Variants in LMBRD1 observed in about 807,000 individuals in gnomAD.
The protein encoded by LMBRD1 is lysosomal cobalamin transport escort protein LMBD1.
Under a neutral mutation model 74.8 loss-of-function variants are expected in LMBRD1, and 64 were observed. That is an observed-to-expected ratio of 0.86 (90% CI 0.70 to 1.05). The LOEUF is 1.05. LMBRD1 is among the 50% of genes least tolerant of loss of function. The pLI is 0.00. For missense variants in LMBRD1, 652 were observed against 645.9 expected, an observed-to-expected ratio of 1.01 and a Z score of -0.10; for synonymous variants, 204 against 216.3, an observed-to-expected ratio of 0.94 and a Z score of 0.50.
intron 9 of LMBRD1, among the ~76,000 whole-genome samples, chr6:69,704,565 C>A (rs1766207315): frequency 6.6e-6 from 1 of 152,050 alleles, no homozygotes; most frequent in African/African-American, 2.4e-5. Context: ...TACTTTCTGG[C>A]ATCAGATGTT....
intron 14 of LMBRD1, among the ~76,000 whole-genome samples, chr6:69,676,767 G>T (rs1019672133): frequency 6.6e-5 from 10 of 151,868 alleles, no homozygotes; most frequent in African/African-American, 2.4e-4. Context: ...AAAAAAAAAT[G>T]AATGCCACCA....
intron 14 of LMBRD1, among the ~76,000 whole-genome samples, chr6:69,694,635 T>G (rs1313756130): frequency 6.6e-6 from 1 of 152,182 alleles, no homozygotes; most frequent in East Asian, 1.9e-4. Context: ...TTACAAATCC[T>G]GGACTCTGTG....
At chr6:69,748,418 T>C (rs1216038679) in intron 5 of LMBRD1, among the ~76,000 whole-genome samples, 1 of 152,040 alleles carries the variant, frequency 6.6e-6, no homozygotes, top group East Asian at 1.9e-4. Flanking sequence ...CTTACAAAAG[T>C]ACTCTTTTTC....
rs904656539 is a variant in LMBRD1 at position 69,684,568 on chromosome 6, C to T, written c.1418-8027G>A. ...ATCCATTAATTGTGAGGACAGAATA[C>T]TTTTCAGATATATAAGCACTTTTCA... is the stretch of plus-strand genomic sequence containing the variant. On this transcript the variant is annotated intron_variant, in intron 14 of 15. Transcript: ENST00000649934. 6.6e-5 allele frequency among the ~76,000 whole-genome samples: 10 copies of T among 152,072 alleles called. No homozygotes were observed. The South Asian group carries it at 1.5e-3, about 22-fold the overall frequency.
At chr6:69,765,297 TGTAAG>T (rs961415880) in intron 3 of LMBRD1, among the ~76,000 whole-genome samples, 3 of 152,078 alleles carry the variant, frequency 2.0e-5, no homozygotes, top group Admixed American at 6.6e-5. Flanking sequence ...TTGAGTATGG[TGTAAG>T]GTAAGGCTCA....
At chr6:69,696,805 C>A (rs1766010938) in intron 14 of LMBRD1, among the ~76,000 whole-genome samples, 1 of 152,064 alleles carries the variant, frequency 6.6e-6, no homozygotes, top group Non-Finnish European at 1.5e-5. Context: ...TAAAAAAACT[C>A]AGAATTTGTG....
chr6:69,710,168 G>A (rs535467975), intron 9 of LMBRD1, among the ~76,000 whole-genome samples: 37 of 152,164 alleles, frequency 2.4e-4, no homozygotes, highest in Admixed American at 1.4e-3. Flanking sequence ...ATAGATCAAT[G>A]AGTAGAATGG....
intron 3 of LMBRD1, among the ~76,000 whole-genome samples, chr6:69,766,290 A>G (rs773370763): frequency 1.3e-5 from 2 of 151,982 alleles, no homozygotes; most frequent in Non-Finnish European, 2.9e-5. Flanking sequence ...AGTATAATGT[A>G]GCTGTAGGCT....
intron 3 of LMBRD1, among the ~76,000 whole-genome samples, chr6:69,774,625 A>G (rs1272420549): frequency 6.6e-6 from 1 of 152,188 alleles, no homozygotes; most frequent in East Asian, 1.9e-4. Context: ...AAATAAAAAC[A>G]AATTAGATAA....
intron 7 of LMBRD1, among the ~76,000 whole-genome samples, chr6:69,721,758 G>T (rs1019277250): frequency 6.6e-6 from 1 of 152,192 alleles, no homozygotes; most frequent in African/African-American, 2.4e-5. Flanking sequence ...AGACTCTTGA[G>T]GTCCCCAAGT....
In LMBRD1 at chr6:69,699,071, A is replaced by G. The variant is rs762640924; in HGVS notation, c.1310T>C (p.Met437Thr). 1 of 1,605,344 alleles carries G rather than the reference A, an allele frequency of 6.2e-7. No homozygotes were observed. The highest frequency in any genetic ancestry group is 1.1e-5 in the South Asian group (1 of 90,812). Reference sequence around the variant, plus strand: ...TATTAAGTAATTTTGGCTTCCATACATAACATATTGGGGAGCAAGACTATA... The same window carrying G: ...TATTAAGTAATTTTGGCTTCCATACGTAACATATTGGGGAGCAAGACTATA... The part of the protein sequence containing the change: ...MIYSLAPQYV[M>T]YGSQNYLIET... Residue 437 changes from methionine to threonine, a missense_variant, in exon 13 of 16, where the codon ATG becomes ACG. Physicochemically the swap from Met to Thr is moderately conservative, Grantham distance 81. This residue lies in a region of LMBRD1 where 598 missense variants were observed against 581.8 expected (regional missense o/e 1.03). Coordinates refer to ENST00000649934, the MANE Select transcript of LMBRD1 (RefSeq NM_018368.4).
intron 9 of LMBRD1, among the ~76,000 whole-genome samples, chr6:69,704,975 A>G (rs553796826): frequency 7.2e-6 from 1 of 138,884 alleles, no homozygotes; most frequent in East Asian, 2.1e-4. Context: ...TTTTAAATTT[A>G]TTAAAATACT....
intron 2 of LMBRD1, among the ~76,000 whole-genome samples, chr6:69,785,707 C>T (rs1002722956): frequency 9.9e-5 from 15 of 152,194 alleles, no homozygotes; most frequent in Admixed American, 9.2e-4. Context: ...GCCCAAGTCA[C>T]CTTTATCTTT....
intron 3 of LMBRD1, among the ~76,000 whole-genome samples, chr6:69,766,837 A>C (rs12525951): frequency 0.37 from 55,582 of 151,338 alleles, 10,703 homozygotes; most frequent in East Asian, 0.54. Flanking sequence ...TCTTGTGTGA[A>C]GAAATCTAGG....
chr6:69,713,721 T>C lies in LMBRD1; in HGVS notation c.839A>G (p.Lys280Arg). ...KQFEERLRTL[K>R]KRERHLEFIE... ...GAATTCTAAATGCCTCTCTCTCTTC[T>C]TAAGTGTTCGTAACCTTTCTTCAAA... Residue 280 changes from lysine to arginine, a missense_variant, in exon 9 of 16, where the codon AAG becomes AGG. By Grantham distance (26) the Lys-to-Arg change is conservative (BLOSUM62 2). Transcript: ENST00000649934. The C allele has an allele frequency of 3.7e-6, 6 of 1,613,766 alleles. No individual in the cohort carries two copies. Among genetic ancestry groups the C allele is most frequent in the Non-Finnish European group, 5.1e-6 (6 of 1,179,752 alleles).
intron 3 of LMBRD1, among the ~76,000 whole-genome samples, chr6:69,755,196 A>G (rs1190669261): frequency 6.6e-6 from 1 of 152,210 alleles, no homozygotes; most frequent in Non-Finnish European, 1.5e-5. Flanking sequence ...CCCATCAATG[A>G]TAGACTGGAT....
intron 3 of LMBRD1, among the ~76,000 whole-genome samples, chr6:69,771,197 T>G (rs1765568796): frequency 6.6e-6 from 1 of 152,146 alleles, no homozygotes; most frequent in Admixed American, 6.5e-5. Flanking sequence ...AAGGCTGCAA[T>G]CAAGATGTTA....
intron 14 of LMBRD1, among the ~76,000 whole-genome samples, chr6:69,684,089 C>T (rs1765715678): frequency 6.6e-6 from 1 of 151,570 alleles, no homozygotes; most frequent in Non-Finnish European, 1.5e-5. Flanking sequence ...ACTAGGATAA[C>T]CAAAATTATA....
rs747808000 is a variant in LMBRD1, at chr6:69,790,290, A to T, written c.246+6T>A. 1 of 1,589,318 alleles carries T rather than the reference A, an allele frequency of 6.3e-7. No homozygotes were observed. Among genetic ancestry groups the T allele is most frequent in the Non-Finnish European group, 8.6e-7 (1 of 1,158,056 alleles). ...AAAAAAATCTGCAAAGTAAGATTAT[A>T]TTTACCTTAAATGTACCATTTTGAT... On this transcript the variant is annotated splice_donor_region_variant and intron_variant, in intron 2 of 15. Transcript: ENST00000649934.
Sources: gnomAD v4.1 joint callset for allele counts (sites outside exome capture counted in the v4.1 genomes callset) on GRCh38, gnomAD v4.1.1 for gene constraint, gnomAD v4.1.1 regional missense constraint, MANE v1.5 for transcripts, NCBI Gene and HGNC (gene_info 2026-07-23, HGNC 2026-07-21) for gene names.